The following TMX1 variants were observed in gnomAD, a reference collection of about 807,000 sequenced individuals.
TMX1 encodes thioredoxin related transmembrane protein 1, also known as thioredoxin-related transmembrane protein 1.
Under a neutral mutation model 36.6 loss-of-function variants are expected in TMX1, and 25 were observed. The ratio of observed to expected loss-of-function variants is 0.68; its 90% CI spans 0.50 to 0.95. The LOEUF is 0.95. Ranked by LOEUF, TMX1 falls within the 40% of genes least tolerant of loss-of-function variation. TMX1 has a pLI of 0.00. For synonymous variants in TMX1, 133 were observed against 118.0 expected (o/e 1.13, Z -0.82); for missense variants, 347 against 339.6 (o/e 1.02, Z -0.17).
At chr14:51,246,727 T>C (rs1433857141) in intron 3 of TMX1, among the ~76,000 whole-genome samples, 1 of 152,256 alleles carries the variant, frequency 6.6e-6, no homozygotes, top group African/African-American at 2.4e-5. Flanking sequence ...TAACAGCTAA[T>C]AATTACTATG....
At position 51,240,304 on chromosome 14, in the gene TMX1, C is replaced by T. The variant is rs368097667; in HGVS notation, c.12C>T (p.Ser4=). Reference sequence around the variant, plus strand: ...GGGCAAGCGGCGAAATGGCGCCCTCCGGGAGTCTTGCAGTTCCCCTGGCAG... The same window carrying T: ...GGGCAAGCGGCGAAATGGCGCCCTCTGGGAGTCTTGCAGTTCCCCTGGCAG... MAP[S]GSLAVPLAVL... Residue 4 remains serine, a synonymous_variant, in exon 1 of 8, where the codon TCC becomes TCT. Coordinates refer to ENST00000457354, the MANE Select transcript of TMX1 (RefSeq NM_030755.5). 3.1e-6 allele frequency: 5 copies of T among 1,611,684 alleles called. No individual in the cohort carries two copies. The highest frequency in any genetic ancestry group is 1.3e-5 in the African/African-American group (1 of 74,922).
At chr14:51,241,852 C>T (rs1021398100) in intron 1 of TMX1, among the ~76,000 whole-genome samples, 7 of 152,064 alleles carry the variant, frequency 4.6e-5, no homozygotes, top group Admixed American at 6.6e-5. Flanking sequence ...CAAAACTGGC[C>T]GGCGCGGTGG....
In TMX1 at chr14:51,240,418, G is replaced by T. The variant is rs773146778; in HGVS notation, c.126G>T (p.Leu42=). 2.0e-5 allele frequency: 33 copies of T among 1,613,862 alleles called. No homozygotes were observed. Among genetic ancestry groups the T allele is most frequent in the Non-Finnish European group, 2.6e-5 (31 of 1,180,008 alleles). ...RVITDENWRE[L]LEGDWMIEFY... ...TCACGGACGAGAACTGGAGAGAACT[G>T]CTGGAAGGAGACTGGATGATAGAAT... The change falls in exon 1 of 8, where the codon CTG becomes CTT. Residue 42 remains leucine (L), a synonymous_variant. Transcript: ENST00000457354.
intron 1 of TMX1, among the ~76,000 whole-genome samples, chr14:51,241,495 T>C (rs569680327): frequency 6.6e-6 from 1 of 152,324 alleles, no homozygotes; most frequent in East Asian, 1.9e-4. Flanking sequence ...AGTTAACCTA[T>C]GCAGATATTG....
chr14:51,246,294 T>C (rs545551911), intron 3 of TMX1, among the ~76,000 whole-genome samples: 1 of 152,306 alleles, frequency 6.6e-6, no homozygotes, highest in Admixed American at 6.5e-5. Flanking sequence ...TTGTTTACCA[T>C]ATCCTTTCTC....
chr14:51,241,293 C>T (rs1241478785), intron 1 of TMX1, among the ~76,000 whole-genome samples: 7 of 152,078 alleles, frequency 4.6e-5, no homozygotes, highest in Non-Finnish European at 8.8e-5. Context: ...GCTTTAGATG[C>T]TAAGTCGTTG....
chr14:51,242,643 G>C (rs191398195), intron 1 of TMX1, among the ~76,000 whole-genome samples: 3 of 152,180 alleles, frequency 2.0e-5, no homozygotes, highest in African/African-American at 7.2e-5. Context: ...AGCTGGGCGT[G>C]TGGGCAGGCA....
intron 2 of TMX1, among the ~76,000 whole-genome samples, chr14:51,244,657 C>G (rs1229585993): frequency 6.6e-6 from 1 of 152,032 alleles, no homozygotes; most frequent in African/African-American, 2.4e-5. Context: ...CTTGGCTGTC[C>G]CATCCCAAAT....
rs2065773994 is a variant in TMX1 at position 51,243,958 on chromosome 14, C to T, written c.255C>T (p.Val85=). 3 of 1,608,656 alleles carry T rather than the reference C, an allele frequency of 1.9e-6. No homozygotes were observed. The highest frequency in any genetic ancestry group is 2.5e-6 in the Non-Finnish European group (3 of 1,177,314). ...AGGTTAATATTGCGAAAGTAGATGT[C>T]ACAGAGCAGCCAGGTACTGTAAGTC... ...DLEVNIAKVD[V]TEQPGLSGRF... The change falls in exon 2 of 8, where the codon GTC becomes GTT. Residue 85 remains valine (V), a synonymous_variant. Transcript: ENST00000457354.
chr14:51,243,310 G>T (rs1199164503), intron 1 of TMX1, among the ~76,000 whole-genome samples: 1 of 152,122 alleles, frequency 6.6e-6, no homozygotes, highest in Non-Finnish European at 1.5e-5. Context: ...ATTTTTTGAG[G>T]TAACATTCTC....
chr14:51,250,914 T>C (rs1270540408), intron 7 of TMX1, among the ~76,000 whole-genome samples: 1 of 152,196 alleles, frequency 6.6e-6, no homozygotes, highest in African/African-American at 2.4e-5. Flanking sequence ...TCTTAGATAG[T>C]TGCATTGATA....
rs1255747453 is a variant in TMX1, at chr14:51,256,260, C to G, written c.*1741C>G. 6.6e-6 allele frequency: 1 copy of G among 151,082 alleles called. No individual in the cohort carries two copies. Among genetic ancestry groups the G allele is most frequent in the Non-Finnish European group, 1.5e-5 (1 of 67,820 alleles). 9.4% of individuals were successfully genotyped at this position (151,082 alleles called of 1,614,324 possible). On this transcript the variant is annotated 3_prime_UTR_variant, in exon 8 of 8. Transcript: ENST00000457354. ...AGTGTTCTAGTATATGTGACATGGC[C>G]AATTTTTTTATTAGAAAATATGTGA...
chr14:51,244,816 C>G (rs575166763), intron 2 of TMX1, among the ~76,000 whole-genome samples: 2 of 152,302 alleles, frequency 1.3e-5, no homozygotes, highest in Admixed American at 6.5e-5. Flanking sequence ...GGTCAATTCT[C>G]TGTAATATCA....
intron 7 of TMX1, 77 bp downstream of exon 7, chr14:51,249,842 C>T (rs181763557): frequency 8.6e-7 from 1 of 1,158,492 alleles, no homozygotes; most frequent in African/African-American, 1.6e-5. Context: ...ACACATTTCA[C>T]AGGTTGCTCT....
intron 7 of TMX1, among the ~76,000 whole-genome samples, chr14:51,253,247 C>T (rs2065823105): frequency 6.6e-6 from 1 of 152,186 alleles, no homozygotes; most frequent in African/African-American, 2.4e-5. Flanking sequence ...GCCAATAGCA[C>T]TGCCCTTCTG....
At chr14:51,252,463 G>A (rs1444182603) in intron 7 of TMX1, among the ~76,000 whole-genome samples, 1 of 151,744 alleles carries the variant, frequency 6.6e-6, no homozygotes, top group African/African-American at 2.4e-5. Flanking sequence ...TACCCTCTGA[G>A]CGTGTAACCT....
At chr14:51,242,346 G>T (rs891140950) in intron 1 of TMX1, among the ~76,000 whole-genome samples, 8 of 152,092 alleles carry the variant, frequency 5.3e-5, no homozygotes, top group African/African-American at 1.9e-4. Flanking sequence ...AATAGTGATC[G>T]TGTGTGTATA....
chr14:51,246,806 G>T (rs1026425288), intron 3 of TMX1, among the ~76,000 whole-genome samples: 1 of 152,124 alleles, frequency 6.6e-6, no homozygotes, highest in Non-Finnish European at 1.5e-5. Flanking sequence ...AGGCTTAAAA[G>T]TACTTTCCTG....
chr14:51,240,773 T>C (rs563126224), intron 1 of TMX1, among the ~76,000 whole-genome samples: 1 of 152,258 alleles, frequency 6.6e-6, no homozygotes, highest in East Asian at 1.9e-4. Flanking sequence ...GAGGGAGGTG[T>C]CCGACTCGTG....
Sources: gnomAD v4.1 joint callset for allele counts (sites outside exome capture counted in the v4.1 genomes callset) on GRCh38, gnomAD v4.1.1 for gene constraint, MANE v1.5 for transcripts, NCBI Gene and HGNC (gene_info 2026-07-23, HGNC 2026-07-21) for gene names.